TMEM74: variants seen among roughly 807,000 people sequenced by gnomAD.
TMEM74 encodes the protein transmembrane protein 74.
TMEM74 carries 13 observed loss-of-function variants against 18.1 expected under a neutral mutation model. The observed-to-expected ratio is 0.72, with a 90% CI of 0.47 to 1.14. The LOEUF (loss-of-function observed/expected upper bound fraction) is 1.14, where lower values mean the gene tolerates loss of function less well. TMEM74 is among the 50% of genes most tolerant of loss of function. The pLI is 0.00. For missense variants in TMEM74, 372 were observed against 375.9 expected (o/e 0.99, Z 0.09); for synonymous variants, 159 against 146.6 (o/e 1.08, Z -0.61).
At chr8:108,761,716 G>A (rs1401578714) in intron 1 of TMEM74, among the ~76,000 whole-genome samples, 1 of 152,148 alleles carries the variant, frequency 6.6e-6, no homozygotes, top group African/African-American at 2.4e-5. Flanking sequence ...TGGTATAACT[G>A]AGTTTTTTCT....
At chr8:108,620,229 A>G (rs1812426058) in intron 2 of TMEM74, among the ~76,000 whole-genome samples, 1 of 152,152 alleles carries the variant, frequency 6.6e-6, no homozygotes, top group South Asian at 2.1e-4. Flanking sequence ...ACCTTAGTTA[A>G]CTTGAAGAAT....
chr8:108,726,002 G>A (rs1380803514), intron 1 of TMEM74, among the ~76,000 whole-genome samples: 1 of 152,142 alleles, frequency 6.6e-6, no homozygotes, highest in Non-Finnish European at 1.5e-5. Flanking sequence ...GAACTTAGGT[G>A]AAGAATGCAC....
At chr8:108,668,522 T>G (rs1812971469) in intron 1 of TMEM74, among the ~76,000 whole-genome samples, 1 of 152,166 alleles carries the variant, frequency 6.6e-6, no homozygotes, top group Non-Finnish European at 1.5e-5. Context: ...GGTAATTCTG[T>G]GTCTACTGGC....
chr8:108,785,971 G>A (rs1814379610), intron 1 of TMEM74, among the ~76,000 whole-genome samples: 1 of 152,106 alleles, frequency 6.6e-6, no homozygotes, highest in East Asian at 1.9e-4. Flanking sequence ...ACACACACCT[G>A]CCTGCTCCAG....
At chr8:108,755,661 T>A (rs1013935512) in intron 1 of TMEM74, among the ~76,000 whole-genome samples, 4 of 152,134 alleles carry the variant, frequency 2.6e-5, no homozygotes, top group African/African-American at 9.6e-5. Flanking sequence ...ATTGCTTTTT[T>A]AATGATGTTT....
At chr8:108,710,405 G>A (rs970484317) in intron 1 of TMEM74, among the ~76,000 whole-genome samples, 1 of 152,112 alleles carries the variant, frequency 6.6e-6, no homozygotes, top group Admixed American at 6.6e-5. Flanking sequence ...TCTACTATAT[G>A]GAACTGCATG....
At chr8:108,643,239 G>A (rs1586244601) in intron 2 of TMEM74, among the ~76,000 whole-genome samples, 1 of 152,132 alleles carries the variant, frequency 6.6e-6, no homozygotes, top group African/African-American at 2.4e-5. Context: ...CCCAACTGAA[G>A]AACTTCTGAT....
intron 1 of TMEM74, among the ~76,000 whole-genome samples, chr8:108,742,470 G>GT (rs887789084): frequency 1.3e-5 from 2 of 152,162 alleles, no homozygotes; most frequent in Non-Finnish European, 2.9e-5. Flanking sequence ...ACGAAGCATA[G>GT]TTCTCAACAC....
intron 1 of TMEM74, among the ~76,000 whole-genome samples, chr8:108,707,163 C>T (rs1202919529): frequency 1.6e-5 from 2 of 124,494 alleles, no homozygotes; most frequent in African/African-American, 6.3e-5. Flanking sequence ...GGGCGGGGAA[C>T]ATCACACACC....
intron 1 of TMEM74, among the ~76,000 whole-genome samples, chr8:108,686,975 T>C (rs1813176563): frequency 6.6e-6 from 1 of 152,202 alleles, no homozygotes; most frequent in South Asian, 2.1e-4. Flanking sequence ...TTTAAAATTG[T>C]ACTTTAATTT....
chr8:108,635,640 G>C (rs999757211), intron 2 of TMEM74, among the ~76,000 whole-genome samples: 1 of 151,936 alleles, frequency 6.6e-6, no homozygotes, highest in African/African-American at 2.4e-5. Flanking sequence ...CACTTAGAAG[G>C]TTTGCAAATA....
intron 2 of TMEM74, among the ~76,000 whole-genome samples, chr8:108,615,819 CTT>C (rs71564011): frequency 7.9e-4 from 60 of 76,432 alleles, no homozygotes; most frequent in African/African-American, 3.0e-3. Flanking sequence ...TGCATGGGAG[CTT>C]TTTTTTTTTT....
At chr8:108,776,400 G>A (rs1814234242), downstream of TMEM74, among the ~76,000 whole-genome samples, 1 of 152,196 alleles carries the variant, frequency 6.6e-6, no homozygotes, top group African/African-American at 2.4e-5. Context: ...GGCTGAGGCA[G>A]GAAAATTGTT....
At chr8:108,763,396 A>G (rs1814067566) in intron 1 of TMEM74, among the ~76,000 whole-genome samples, 1 of 152,182 alleles carries the variant, frequency 6.6e-6, no homozygotes, top group Non-Finnish European at 1.5e-5. Flanking sequence ...ATATAAACAC[A>G]AACCTAGGCA....
chr8:108,727,998 G>A (rs1271158295), intron 1 of TMEM74, among the ~76,000 whole-genome samples: 3 of 152,190 alleles, frequency 2.0e-5, no homozygotes, highest in African/African-American at 7.2e-5. Flanking sequence ...TTAAACACTG[G>A]AGTTAGCAAT....
At chr8:108,702,031 A>G (rs898668407) in intron 1 of TMEM74, among the ~76,000 whole-genome samples, 1 of 152,100 alleles carries the variant, frequency 6.6e-6, no homozygotes, top group Admixed American at 6.5e-5. Context: ...TCAAGATCAT[A>G]TGGTTGGTAT....
chr8:108,686,412 C>T (rs1045236892), intron 1 of TMEM74, among the ~76,000 whole-genome samples: 7 of 152,070 alleles, frequency 4.6e-5, no homozygotes, highest in South Asian at 2.1e-4. Context: ...CCGTGTTAGC[C>T]AGGATGGTCT....
chr8:108,702,937 AAAAG>A (rs1813351991), intron 1 of TMEM74, among the ~76,000 whole-genome samples: 1 of 151,984 alleles, frequency 6.6e-6, no homozygotes, highest in Non-Finnish European at 1.5e-5. Flanking sequence ...TAAAAAAAAA[AAAAG>A]AAGCAGAAGA....
intron 1 of TMEM74, among the ~76,000 whole-genome samples, chr8:108,734,611 C>T (rs945721476): frequency 2.6e-5 from 4 of 152,098 alleles, no homozygotes; most frequent in African/African-American, 9.7e-5. Flanking sequence ...ATATTTGCAT[C>T]GTTTTCCTTT....
Sources: gnomAD v4.1 joint callset for allele counts (sites outside exome capture counted in the v4.1 genomes callset) on GRCh38, gnomAD v4.1.1 for gene constraint, MANE v1.5 for transcripts, NCBI Gene and HGNC (gene_info 2026-07-23, HGNC 2026-07-21) for gene names.